ACADSB: variants seen among roughly 807,000 people sequenced by gnomAD.
ACADSB encodes the protein acyl-CoA dehydrogenase short/branched chain.
Under a neutral mutation model 54.1 loss-of-function variants are expected in ACADSB, and 40 were observed. That is an observed-to-expected ratio of 0.74 (90% CI 0.57 to 0.96). The LOEUF is 0.96. Ranked by LOEUF, ACADSB falls within the 40% of genes least tolerant of loss-of-function variation. The probability of loss-of-function intolerance (pLI) is 0.00; values close to 1 mark genes in which losing one functional copy is unlikely to be tolerated. For synonymous variants in ACADSB, 182 were observed against 182.8 expected, an observed-to-expected ratio of 1.00 and a Z score of 0.03; for missense variants, 530 against 510.4, an observed-to-expected ratio of 1.04 and a Z score of -0.37.
chr10:123,050,393 A>G (rs1850613412), intron 8 of ACADSB, among the ~76,000 whole-genome samples: 1 of 152,186 alleles, frequency 6.6e-6, no homozygotes, highest in African/African-American at 2.4e-5. Flanking sequence ...ATCTGGGTGG[A>G]TGGATAGGTT....
At chr10:123,030,602 A>G (rs1294213325) in intron 1 of ACADSB, among the ~76,000 whole-genome samples, 1 of 152,118 alleles carries the variant, frequency 6.6e-6, no homozygotes, top group Non-Finnish European at 1.5e-5. Context: ...TTAAGGGTCA[A>G]GTAGTTGGGG....
At chr10:123,047,749 C>G (rs1196116676) in intron 8 of ACADSB, among the ~76,000 whole-genome samples, 1 of 152,234 alleles carries the variant, frequency 6.6e-6, no homozygotes, top group Non-Finnish European at 1.5e-5. Context: ...TCACACACTG[C>G]ATTGGTATAG....
In ACADSB at chr10:123,052,171, C is replaced by T. The variant is rs1309623974; in HGVS notation, c.1129-890C>T. Among the ~76,000 whole-genome samples, 1 of 152,130 alleles carries T rather than the reference C, an allele frequency of 6.6e-6. No individual in the cohort carries two copies. The highest frequency in any genetic ancestry group is 1.5e-5 in the Non-Finnish European group (1 of 68,034). On this transcript the variant is annotated intron_variant, in intron 9 of 10. Coordinates refer to ENST00000358776, the MANE Select transcript of ACADSB (RefSeq NM_001609.4). This position sits in a 1 kb window ranked among gnomAD's most constrained non-coding sequence, Gnocchi z 4.2. ...TACTAGATTCCAATTGCTGCTATAA[C>T]AAATTACCAAAAAGTCGGGGACCTA...
intron 1 of ACADSB, among the ~76,000 whole-genome samples, chr10:123,014,574 C>T (rs1168284829): frequency 2.6e-5 from 4 of 152,190 alleles, no homozygotes; most frequent in African/African-American, 7.2e-5. Context: ...CATTGCCTTA[C>T]GCAAAGTACA....
intron 1 of ACADSB, among the ~76,000 whole-genome samples, chr10:123,029,761 T>A (rs1331916627): frequency 6.6e-6 from 1 of 152,246 alleles, no homozygotes; most frequent in East Asian, 1.9e-4. Context: ...CTTTTGCACA[T>A]GTCTACTTGT....
chr10:123,031,430 G>A (rs952863199), intron 1 of ACADSB, among the ~76,000 whole-genome samples: 1 of 152,150 alleles, frequency 6.6e-6, no homozygotes, highest in Non-Finnish European at 1.5e-5. Context: ...AGTAGCAATT[G>A]CTGTTCTATA....
intron 1 of ACADSB, among the ~76,000 whole-genome samples, chr10:123,015,365 T>C (rs1850097571): frequency 6.6e-6 from 1 of 152,232 alleles, no homozygotes; most frequent in Non-Finnish European, 1.5e-5. Context: ...TTTGTTGTTG[T>C]TGTTCCTCAT....
At chr10:123,016,647 G>A (rs544344294) in intron 1 of ACADSB, among the ~76,000 whole-genome samples, 6 of 152,314 alleles carry the variant, frequency 3.9e-5, no homozygotes, top group South Asian at 4.1e-4. Flanking sequence ...ATGGGGCATC[G>A]GAAGGATAGT....
intron 1 of ACADSB, among the ~76,000 whole-genome samples, chr10:123,009,703 C>T (rs2280708): frequency 0.3 from 44,964 of 151,880 alleles, 7,839 homozygotes; most frequent in Non-Finnish European, 0.39. Context: ...CGGTGCCGGT[C>T]CCTCTTCCAT....
chr10:123,010,510 C>A (rs1022356484), intron 1 of ACADSB, among the ~76,000 whole-genome samples: 1 of 152,176 alleles, frequency 6.6e-6, no homozygotes, highest in Admixed American at 6.5e-5. Flanking sequence ...TGGTTAAGAA[C>A]GTAGGTTCTG....
At position 123,018,318 on chromosome 10, in the gene ACADSB, A is replaced by G. The variant is rs191177476; in HGVS notation, c.42+9247A>G. Among the ~76,000 whole-genome samples, 15 of 152,288 alleles carry G rather than the reference A, an allele frequency of 9.8e-5. No individual in the cohort carries two copies. In the South Asian group the frequency reaches 1.2e-3, roughly 13 times the overall value. On this transcript the variant is annotated intron_variant, in intron 1 of 10. Coordinates refer to ENST00000358776, the MANE Select transcript of ACADSB (RefSeq NM_001609.4). ...CTTGGCCAAGGTCACACTACAGGCA[A>G]ACCCATTTCCTTTGTGTTGATTCCC...
At chr10:123,037,933 A>T in intron 3 of ACADSB, 86 bp downstream of exon 3, 1 of 979,530 alleles carries the variant, frequency 1.0e-6, no homozygotes. Flanking sequence ...TGCATTTCCC[A>T]GTCAAAATTA....
In ACADSB at chr10:123,056,614, G is replaced by A. The variant is rs1038586887; in HGVS notation, c.*2849G>A. 1.3e-5 allele frequency: 2 copies of A among 152,162 alleles called. No individual in the cohort carries two copies. Among genetic ancestry groups the A allele is most frequent in the Non-Finnish European group, 2.9e-5 (2 of 68,042 alleles). 9.4% of individuals were successfully genotyped at this position (152,162 alleles called of 1,614,324 possible). A position where few individuals can be genotyped will look rare whatever the true frequency, so the allele number is the denominator to read the frequency against. The stretch of plus-strand genomic sequence containing the variant: ...GCCTGAGTCCCCTCAGGAGGAAGGT[G>A]GACAACAGAGAAATGAGAGTTTTGA... On this transcript the variant is annotated 3_prime_UTR_variant, in exon 11 of 11. Coordinates refer to ENST00000358776, the MANE Select transcript of ACADSB (RefSeq NM_001609.4).
intron 3 of ACADSB, among the ~76,000 whole-genome samples, chr10:123,038,208 G>T (rs781624549): frequency 2.0e-5 from 3 of 152,182 alleles, no homozygotes; most frequent in Non-Finnish European, 4.4e-5. Context: ...ATAGAGACAA[G>T]GGATGCCACT....
intron 6 of ACADSB, 108 bp downstream of exon 6, chr10:123,043,279 A>C (rs1296004436): frequency 7.3e-7 from 1 of 1,360,710 alleles, no homozygotes. Flanking sequence ...CTATAAGCAC[A>C]CGCAGGAGAG....
intron 1 of ACADSB, among the ~76,000 whole-genome samples, chr10:123,022,936 T>A (rs1399032437): frequency 6.6e-6 from 1 of 152,242 alleles, no homozygotes; most frequent in Non-Finnish European, 1.5e-5. Flanking sequence ...TTTATCCCAT[T>A]TACTGTACTC....
intron 3 of ACADSB, 110 bp from the exon 4 acceptor site, chr10:123,040,356 A>T (rs1273696101): frequency 5.7e-5 from 51 of 897,550 alleles, no homozygotes; most frequent in Non-Finnish European, 6.8e-5. Flanking sequence ...CTCAAAAAAA[A>T]AATAATAATA....
Position 123,040,616 on chromosome 10 carries a change from A to T in ACADSB, c.454A>T (p.Lys152Ter), listed in dbSNP as rs150088245. 6.2e-7 allele frequency: 1 copy of T among 1,614,038 alleles called. No homozygotes were observed. The highest frequency in any genetic ancestry group is 8.5e-7 in the Non-Finnish European group (1 of 1,180,012). ...QNTLINTLIR[K>*]HGTEEQKATY... is the part of the protein sequence containing the mutation. ...CACATTAATTAACACACTGATTAGA[A>T]AACATGGAACAGAAGAACAAAAGGC... is the stretch of plus-strand genomic sequence containing the variant. The change falls in exon 4 of 11, where the codon AAA (lysine) becomes TAA (stop). Residue 152 changes from lysine to a stop codon, truncating the protein, a stop_gained. Coordinates refer to ENST00000358776, the MANE Select transcript of ACADSB (RefSeq NM_001609.4). LOFTEE classifies it high-confidence loss of function.
chr10:123,050,351 G>A (rs1430758318), intron 8 of ACADSB, among the ~76,000 whole-genome samples: 2 of 152,200 alleles, frequency 1.3e-5, no homozygotes, highest in Non-Finnish European at 2.9e-5. Context: ...CACTCAGGGC[G>A]GTGCCTGCCA....
Sources: allele counts gnomAD v4.1 joint callset (sites outside exome capture counted in the v4.1 genomes callset), GRCh38; gene constraint gnomAD v4.1.1; non-coding constraint Gnocchi (gnomAD v3.1); transcripts MANE v1.5; gene names NCBI Gene and HGNC (gene_info 2026-07-23, HGNC 2026-07-21).